Variants in SOX6 observed in about 807,000 individuals in gnomAD.
SOX6 encodes the protein transcription factor SOX-6.
A neutral mutation model predicts 97.8 loss-of-function variants in SOX6; 11 were observed. That is an observed-to-expected ratio of 0.11 (90% CI 0.07 to 0.19). The LOEUF (loss-of-function observed/expected upper bound fraction) is 0.19. SOX6 is among the 10% of genes least tolerant of loss of function. The pLI is 1.00. For missense variants in SOX6, 810 were observed against 1,039.5 expected (o/e 0.78, Z 3.04); for synonymous variants, 360 against 371.4 (o/e 0.97, Z 0.35).
At chr11:16,398,605 C>T (rs961618375) in intron 1 of SOX6, among the ~76,000 whole-genome samples, 1 of 151,438 alleles carries the variant, frequency 6.6e-6, no homozygotes, top group African/African-American at 2.4e-5. Context: ...CACTTGTTGT[C>T]TATGGGTCTT....
Position 16,588,604 on chromosome 11 carries a change from C to G in SOX6, n.609+23477G>C, listed in dbSNP as rs928402845. Among the ~76,000 whole-genome samples, 4 of 152,150 alleles carry G rather than the reference C, an allele frequency of 2.6e-5. No individual in the cohort carries two copies. In the South Asian group the frequency reaches 8.3e-4, roughly 32 times the overall value. ...GAGTAGTAATTCTCCACTTGACCCC[C>G]CTCTCCTGAACATGATAAATACACT... On this transcript the variant is annotated intron_variant and non_coding_transcript_variant, in intron 4 of 5. Transcript: ENST00000524520.
intron 3 of SOX6, among the ~76,000 whole-genome samples, chr11:16,306,606 A>T (rs1855439597): frequency 7.4e-6 from 1 of 134,678 alleles, no homozygotes; most frequent in Admixed American, 8.2e-5. Context: ...TACATCCTCA[A>T]ATTTCTTTTT....
At chr11:16,520,589 C>T (rs1477297847) in intron 4 of SOX6, among the ~76,000 whole-genome samples, 2 of 152,188 alleles carry the variant, frequency 1.3e-5, no homozygotes, top group African/African-American at 4.8e-5. Flanking sequence ...ATCTGAGGTA[C>T]CAGGTTCATC....
intron 3 of SOX6, among the ~76,000 whole-genome samples, chr11:16,243,787 A>G (rs560561997): frequency 6.6e-6 from 1 of 152,044 alleles, no homozygotes; most frequent in East Asian, 1.9e-4. Flanking sequence ...TTTTTTGGAT[A>G]TGGATTCATT....
chr11:16,400,701 C>T (rs564890430), intron 1 of SOX6, among the ~76,000 whole-genome samples: 1 of 151,296 alleles, frequency 6.6e-6, no homozygotes. Context: ...TTTTGAGTAC[C>T]TTCTATGAGC....
intron 1 of SOX6, among the ~76,000 whole-genome samples, chr11:16,374,814 T>C (rs1467864148): frequency 6.6e-6 from 1 of 152,084 alleles, no homozygotes; most frequent in Non-Finnish European, 1.5e-5. Context: ...GCCAGACAAA[T>C]ACTTAAATAG....
chr11:16,181,874 C>A (rs1324641649), intron 6 of SOX6, among the ~76,000 whole-genome samples: 2 of 151,676 alleles, frequency 1.3e-5, no homozygotes, highest in Admixed American at 1.3e-4. Flanking sequence ...ATAATTTATA[C>A]TGCTAAGTTC....
chr11:16,067,539 A>G (rs1000676551), intron 9 of SOX6, among the ~76,000 whole-genome samples: 1 of 152,150 alleles, frequency 6.6e-6, no homozygotes, highest in African/African-American at 2.4e-5. Flanking sequence ...TGGAACTCTG[A>G]GTCCATTAAA....
intron 3 of SOX6, among the ~76,000 whole-genome samples, chr11:16,267,471 G>A (rs1052751683): frequency 1.3e-5 from 2 of 151,592 alleles, no homozygotes; most frequent in Non-Finnish European, 3.0e-5. Flanking sequence ...CAAGGGAGAT[G>A]CAAATCAAAA....
At chr11:16,682,728 T>C (rs1370836622) in intron 3 of SOX6, among the ~76,000 whole-genome samples, 2 of 152,222 alleles carry the variant, frequency 1.3e-5, no homozygotes, top group Admixed American at 1.3e-4. Context: ...GTGTTGGAAG[T>C]TCTGGCCAGG....
At chr11:16,517,808 T>C (rs1860997341) in intron 4 of SOX6, among the ~76,000 whole-genome samples, 1 of 152,186 alleles carries the variant, frequency 6.6e-6, no homozygotes. Context: ...AAAATGCATA[T>C]TGAGTCTGAA....
chr11:16,191,114 G>T (rs1160610154), intron 4 of SOX6, among the ~76,000 whole-genome samples: 2 of 152,104 alleles, frequency 1.3e-5, no homozygotes, highest in East Asian at 3.9e-4. Flanking sequence ...TTTTGTTAAG[G>T]ATGGCAAAAG....
chr11:16,557,804 C>A (rs944337227), intron 4 of SOX6, among the ~76,000 whole-genome samples: 4 of 151,822 alleles, frequency 2.6e-5, no homozygotes, highest in African/African-American at 9.7e-5. Flanking sequence ...TAAGGCAGCA[C>A]AAGAATTGTT....
chr11:16,050,516 A>G (rs572998999), intron 10 of SOX6, among the ~76,000 whole-genome samples: 1 of 152,290 alleles, frequency 6.6e-6, no homozygotes, highest in South Asian at 2.1e-4. Flanking sequence ...TCTGGTCTCT[A>G]TTCATGTTTA....
chr11:16,023,488 AAGAC>A (rs776129904), intron 12 of SOX6, among the ~76,000 whole-genome samples: 2 of 152,170 alleles, frequency 1.3e-5, no homozygotes, highest in Non-Finnish European at 2.9e-5. Context: ...AAATAATTAA[AAGAC>A]AGATAAATAC....
chr11:16,285,031 A>G (rs1031980835), intron 3 of SOX6, among the ~76,000 whole-genome samples: 37 of 152,182 alleles, frequency 2.4e-4, no homozygotes, highest in African/African-American at 8.7e-4. Flanking sequence ...AATTTTTTAG[A>G]TAAAACAGAC....
chr11:16,464,725 T>C (rs564845715), intron 1 of SOX6, among the ~76,000 whole-genome samples: 2 of 152,296 alleles, frequency 1.3e-5, no homozygotes, highest in Admixed American at 1.3e-4. Context: ...CAGAGTGTAA[T>C]ACATAGATGA....
At chr11:16,538,892 C>A (rs1053684713) in intron 4 of SOX6, among the ~76,000 whole-genome samples, 2 of 152,130 alleles carry the variant, frequency 1.3e-5, no homozygotes, top group Non-Finnish European at 2.9e-5. Context: ...TTTAACACCC[C>A]ACTGTCAATA....
intron 9 of SOX6, among the ~76,000 whole-genome samples, chr11:16,085,490 T>C (rs932943113): frequency 1.1e-4 from 16 of 152,124 alleles, no homozygotes; most frequent in Admixed American, 9.2e-4. Flanking sequence ...AAATACAGCT[T>C]AGATGGAGGG....
Sources: gnomAD v4.1 joint callset for allele counts (sites outside exome capture counted in the v4.1 genomes callset) on GRCh38, gnomAD v4.1.1 for gene constraint, MANE v1.5 for transcripts, NCBI Gene and HGNC (gene_info 2026-07-23, HGNC 2026-07-21) for gene names.